SSMEM1: variants seen among roughly 807,000 people sequenced by gnomAD.
The protein encoded by SSMEM1 is serine rich single-pass membrane protein 1, also known as serine-rich single-pass membrane protein 1.
A neutral mutation model predicts 9.9 loss-of-function variants in SSMEM1; 12 were observed. That is an observed-to-expected ratio of 1.21 (90% CI 0.78 to 1.96). The LOEUF is 1.96. SSMEM1 is among the 30% of genes most tolerant of loss of function. The pLI, the probability that SSMEM1 is intolerant of heterozygous loss-of-function variation, is 0.00. For missense variants in SSMEM1, 259 were observed against 292.2 expected, an observed-to-expected ratio of 0.89 and a Z score of 0.83; for synonymous variants, 96 against 98.9, an observed-to-expected ratio of 0.97 and a Z score of 0.17.
chr7:130,215,168 G>T (rs1032262496), intron 2 of SSMEM1, among the ~76,000 whole-genome samples: 1 of 152,192 alleles, frequency 6.6e-6, no homozygotes, highest in Non-Finnish European at 1.5e-5. Context: ...AGCTGTGCAT[G>T]GTGGCACGTG....
At chr7:130,213,179 C>G (rs1215612322) in intron 1 of SSMEM1, among the ~76,000 whole-genome samples, 2 of 151,912 alleles carry the variant, frequency 1.3e-5, no homozygotes, top group Admixed American at 6.6e-5. Flanking sequence ...GAAACCCTGT[C>G]TCTACTAAAA....
upstream of SSMEM1, among the ~76,000 whole-genome samples, chr7:130,205,727 AG>A (rs1683103777): frequency 6.6e-6 from 1 of 152,206 alleles, no homozygotes; most frequent in South Asian, 2.1e-4. Context: ...AAACTGATTA[AG>A]TAGGGCGGCT....
At chr7:130,205,509 G>T, upstream of SSMEM1, 2 of 1,459,780 alleles carry the variant, frequency 1.4e-6, no homozygotes, top group Non-Finnish European at 9.5e-7. Flanking sequence ...GCGAGAAAGG[G>T]AGGGGTCGCA....
chr7:130,215,265 C>T (rs1161072364), intron 2 of SSMEM1, among the ~76,000 whole-genome samples: 1 of 152,116 alleles, frequency 6.6e-6, no homozygotes, highest in South Asian at 2.1e-4. Context: ...GATCGTGCCA[C>T]TGCACTCTAG....
chr7:130,206,811 C>A, upstream of SSMEM1: 1 of 161,426 alleles, frequency 6.2e-6, no homozygotes. Context: ...ACGCTGAAAC[C>A]CTGTCTCTAC....
intron 1 of SSMEM1, among the ~76,000 whole-genome samples, chr7:130,212,455 G>A (rs554728141): frequency 6.6e-6 from 1 of 152,234 alleles, no homozygotes; most frequent in South Asian, 2.1e-4. Context: ...GCCAGGCGCG[G>A]TGGCTTACAT....
At chr7:130,207,268 G>A (rs1479086515), upstream of SSMEM1, among the ~76,000 whole-genome samples, 1 of 152,200 alleles carries the variant, frequency 6.6e-6, no homozygotes, top group African/African-American at 2.4e-5. Context: ...TTTGGAGGCT[G>A]GAAGTCTAAG....
chr7:130,211,886 T>C (rs1798598827), intron 1 of SSMEM1, among the ~76,000 whole-genome samples: 1 of 152,218 alleles, frequency 6.6e-6, no homozygotes, highest in Non-Finnish European at 1.5e-5. Context: ...TATGACATAC[T>C]TTTATTATAA....
At chr7:130,213,590 T>C in intron 2 of SSMEM1, 56 bp downstream of exon 2, 1 of 1,528,074 alleles carries the variant, frequency 6.5e-7, no homozygotes, top group South Asian at 1.1e-5. Flanking sequence ...ATGTGTGGTG[T>C]TGCATGCCTG....
At chr7:130,214,119 A>G (rs1345472434) in intron 2 of SSMEM1, among the ~76,000 whole-genome samples, 2 of 152,240 alleles carry the variant, frequency 1.3e-5, no homozygotes, top group Non-Finnish European at 2.9e-5. Context: ...CTGTGTGTAC[A>G]TATGCTTACT....
At chr7:130,207,764 A>C, upstream of SSMEM1, 1 of 830,384 alleles carries the variant, frequency 1.2e-6, no homozygotes, top group Non-Finnish European at 2.1e-6. Flanking sequence ...AAGTCCAAGA[A>C]GCATTTGTCA....
At chr7:130,209,126 G>A (rs1798543808) in intron 1 of SSMEM1, among the ~76,000 whole-genome samples, 1 of 152,172 alleles carries the variant, frequency 6.6e-6, no homozygotes, top group Non-Finnish European at 1.5e-5. Context: ...GCCTCCCAAA[G>A]TGCTGGGATT....
chr7:130,207,938 GAGGT>G lies in SSMEM1; in HGVS notation c.31_34del (p.Val11IlefsTer7). ...GGGAGACCTTTTTTCCTTATTTTGG[GAGGT>G]AGATCCTCCCCCAATACCTGTAAAT... On this transcript the variant is annotated frameshift_variant, in exon 1 of 3. Coordinates refer to ENST00000297819, the MANE Select transcript of SSMEM1 (RefSeq NM_145268.4). LOFTEE classifies it high-confidence loss of function. The G allele has an allele frequency of 6.2e-7, 1 of 1,613,618 alleles. No individual in the cohort carries two copies. Among genetic ancestry groups the G allele is most frequent in the Non-Finnish European group, 8.5e-7 (1 of 1,179,850 alleles).
chr7:130,211,853 G>A (rs979755035), intron 1 of SSMEM1, among the ~76,000 whole-genome samples: 1 of 151,994 alleles, frequency 6.6e-6, no homozygotes, highest in Non-Finnish European at 1.5e-5. Context: ...ACCCAGTATG[G>A]TAGCACACTT....
Position 130,216,485 on chromosome 7 carries a change from T to G in SSMEM1, c.*15T>G, listed in dbSNP as rs766409696. The G allele has an allele frequency of 6.2e-7, 1 of 1,605,062 alleles. No homozygotes were observed. The highest frequency in any genetic ancestry group is 1.1e-5 in the South Asian group (1 of 90,444). On this transcript the variant is annotated 3_prime_UTR_variant, in exon 3 of 3. Coordinates refer to ENST00000297819, the MANE Select transcript of SSMEM1 (RefSeq NM_145268.4). ...GTAAATTTTGAATTTTATCACGTTC[T>G]TCCTTCACTTGAAGCCAAATGAAAG...
intron 2 of SSMEM1, among the ~76,000 whole-genome samples, chr7:130,215,505 T>C (rs564283151): frequency 1.8e-4 from 27 of 152,334 alleles, no homozygotes; most frequent in South Asian, 4.1e-4. Context: ...AATGGCTATG[T>C]TTAACCATCT....
chr7:130,207,364 C>A (rs768885423), upstream of SSMEM1, among the ~76,000 whole-genome samples: 1 of 152,146 alleles, frequency 6.6e-6, no homozygotes, highest in Non-Finnish European at 1.5e-5. Context: ...TTTCTGTGCT[C>A]GTGAATCCTT....
chr7:130,207,927 C>G lies in SSMEM1; in HGVS notation c.17C>G (p.Ser6Cys), dbSNP rs868126292. The G allele has an allele frequency of 1.2e-6, 2 of 1,610,730 alleles. No homozygotes were observed. Among genetic ancestry groups the G allele is most frequent in the East Asian group, 4.5e-5 (2 of 44,794 alleles). ...GGAGTCATCATGGGAGACCTTTTTT[C>G]CTTATTTTGGGAGGTAGATCCTCCC... MGDLFSLFWEVDPPPI... is the reference protein window; with the variant it reads MGDLFCLFWEVDPPPI... Residue 6 changes from serine (S) to cysteine (C), a missense_variant, in exon 1 of 3, where the codon TCC becomes TGC. Coordinates refer to ENST00000297819, the MANE Select transcript of SSMEM1 (RefSeq NM_145268.4).
chr7:130,207,921 T>G lies in SSMEM1; in HGVS notation c.11T>G (p.Leu4Arg). Residue 4 changes from leucine to arginine, a missense_variant, in exon 1 of 3, where the codon CTT (leucine) becomes CGT (arginine). Leu to Arg is a moderately radical substitution (Grantham distance 102). Coordinates refer to ENST00000297819, the MANE Select transcript of SSMEM1 (RefSeq NM_145268.4). ...GAGCAAGGAGTCATCATGGGAGACC[T>G]TTTTTCCTTATTTTGGGAGGTAGAT... MGD[L>R]FSLFWEVDPP... The G allele has an allele frequency of 6.2e-7, 1 of 1,612,078 alleles. No individual in the cohort carries two copies. The highest frequency in any genetic ancestry group is 8.5e-7 in the Non-Finnish European group (1 of 1,179,114).
Sources: gnomAD v4.1 joint callset for allele counts (sites outside exome capture counted in the v4.1 genomes callset) on GRCh38, gnomAD v4.1.1 for gene constraint, MANE v1.5 for transcripts, NCBI Gene and HGNC (gene_info 2026-07-23, HGNC 2026-07-21) for gene names.